CCSER1: variants seen among roughly 807,000 people sequenced by gnomAD.
CCSER1 encodes coiled-coil serine rich protein 1, also known as serine-rich coiled-coil domain-containing protein 1.
A neutral mutation model predicts 82.0 loss-of-function variants in CCSER1; 41 were observed. The observed-to-expected ratio is 0.50, with a 90% CI of 0.39 to 0.65. CCSER1 has a LOEUF of 0.65. CCSER1 is among the 30% of genes least tolerant of loss of function. The probability of loss-of-function intolerance (pLI) is 0.00; values close to 1 mark genes in which losing one functional copy is unlikely to be tolerated. For synonymous variants in CCSER1, 414 were observed against 383.9 expected (o/e 1.08, Z -0.92); for missense variants, 1,119 against 1,064.2 (o/e 1.05, Z -0.72).
chr4:90,958,249 A>T (rs918117997), intron 9 of CCSER1, among the ~76,000 whole-genome samples: 14 of 152,232 alleles, frequency 9.2e-5, no homozygotes, highest in Admixed American at 2.6e-4. Flanking sequence ...GTCGTGAAAC[A>T]ACTGAGTTTC....
intron 8 of CCSER1, among the ~76,000 whole-genome samples, chr4:90,887,121 G>A (rs1351752354): frequency 6.6e-6 from 1 of 152,024 alleles, no homozygotes; most frequent in Non-Finnish European, 1.5e-5. Context: ...TCAGGTTTCT[G>A]GTTATGTGAT....
At chr4:90,813,107 C>G (rs1029478892) in intron 7 of CCSER1, among the ~76,000 whole-genome samples, 3 of 152,178 alleles carry the variant, frequency 2.0e-5, no homozygotes, top group African/African-American at 7.2e-5. Flanking sequence ...AAAGTCTCAT[C>G]TGAGACAAGG....
intron 5 of CCSER1, among the ~76,000 whole-genome samples, chr4:90,582,731 GA>G (rs1781539041): frequency 1.3e-5 from 2 of 152,132 alleles, no homozygotes; most frequent in African/African-American, 2.4e-5. Context: ...ATCTGTAGGA[GA>G]CATGGATATT....
chr4:90,745,043 C>A (rs74336655), intron 7 of CCSER1, among the ~76,000 whole-genome samples: 40,497 of 151,732 alleles, frequency 0.27, 6,011 homozygotes, highest in East Asian at 0.34. Context: ...ACCACAAACT[C>A]GGTGGCTTAA....
At chr4:90,259,211 T>C (rs1162231835) in intron 1 of CCSER1, among the ~76,000 whole-genome samples, 1 of 152,156 alleles carries the variant, frequency 6.6e-6, no homozygotes, top group East Asian at 1.9e-4. Flanking sequence ...AGTATATTCC[T>C]AGGTATTTTA....
chr4:91,067,932 AT>A (rs1367193790), intron 9 of CCSER1, among the ~76,000 whole-genome samples: 1 of 152,196 alleles, frequency 6.6e-6, no homozygotes, highest in Non-Finnish European at 1.5e-5. Flanking sequence ...ATTTAAGTTA[AT>A]ATACAGATTT....
At chr4:91,313,489 T>G (rs1745632530) in intron 10 of CCSER1, among the ~76,000 whole-genome samples, 1 of 151,964 alleles carries the variant, frequency 6.6e-6, no homozygotes, top group Non-Finnish European at 1.5e-5. Context: ...GAGTTGTCTG[T>G]TATAATCATG....
chr4:90,447,933 GT>G (rs998534612), intron 4 of CCSER1, among the ~76,000 whole-genome samples: 25 of 151,898 alleles, frequency 1.6e-4, no homozygotes, highest in African/African-American at 6.0e-4. Context: ...ATTTTTCAGG[GT>G]TTTTTATTGT....
intron 10 of CCSER1, among the ~76,000 whole-genome samples, chr4:91,379,774 T>A (rs1040965294): frequency 7.2e-5 from 11 of 152,226 alleles, no homozygotes; most frequent in African/African-American, 2.4e-4. Context: ...CTTAGTTATT[T>A]CTTGCCTTCT....
chr4:90,411,877 T>C (rs1476175724), intron 4 of CCSER1, among the ~76,000 whole-genome samples: 2 of 152,094 alleles, frequency 1.3e-5, no homozygotes, highest in African/African-American at 2.4e-5. Flanking sequence ...AAAACCCCAT[T>C]GTCTCAGCCC....
In CCSER1 at chr4:90,460,779, A is replaced by T. The variant is rs113417517; in HGVS notation, c.1604-7455A>T. ...TTTTGATGGCTCTTCTCTCACACCCATCTGTACTGTGGCTGTATTTTCTGA... is the reference window on the plus strand; with the variant it reads ...TTTTGATGGCTCTTCTCTCACACCCTTCTGTACTGTGGCTGTATTTTCTGA... On this transcript the variant is annotated intron_variant, in intron 4 of 10. Coordinates refer to ENST00000509176, the MANE Select transcript of CCSER1 (RefSeq NM_001145065.2). 9.7e-3 allele frequency among the ~76,000 whole-genome samples: 1,482 copies of T among 152,246 alleles called. 23 individuals are homozygous for T. Among genetic ancestry groups the T allele is most frequent in the African/African-American group, 0.034 (1,405 of 41,520 alleles).
At chr4:90,910,814 T>G (rs1726217777) in intron 8 of CCSER1, among the ~76,000 whole-genome samples, 1 of 152,182 alleles carries the variant, frequency 6.6e-6, no homozygotes, top group Non-Finnish European at 1.5e-5. Flanking sequence ...TTTTAAAACC[T>G]CACATTGCTT....
At chr4:91,561,867 T>A (rs1762666631) in intron 10 of CCSER1, among the ~76,000 whole-genome samples, 1 of 151,486 alleles carries the variant, frequency 6.6e-6, no homozygotes, top group Non-Finnish European at 1.5e-5. Context: ...ATTCTTAGAT[T>A]TCTTCTATGG....
At chr4:90,418,098 C>G (rs566377392) in intron 4 of CCSER1, among the ~76,000 whole-genome samples, 5 of 152,174 alleles carry the variant, frequency 3.3e-5, no homozygotes, top group Non-Finnish European at 5.9e-5. Flanking sequence ...TAAACTTGAG[C>G]AAGTTATTTA....
At chr4:90,942,341 G>GA (rs1731694042) in intron 9 of CCSER1, among the ~76,000 whole-genome samples, 1 of 152,076 alleles carries the variant, frequency 6.6e-6, no homozygotes, top group Admixed American at 6.6e-5. Flanking sequence ...ATGGGGGGAA[G>GA]AAAAAATATG....
intron 10 of CCSER1, among the ~76,000 whole-genome samples, chr4:91,544,943 C>T (rs184882506): frequency 1.3e-3 from 203 of 152,234 alleles, no homozygotes; most frequent in African/African-American, 4.2e-3. Context: ...CCTTGAGATG[C>T]GGTGGGCTCC....
intron 6 of CCSER1, among the ~76,000 whole-genome samples, chr4:90,630,228 C>T (rs1724119893): frequency 6.6e-6 from 1 of 152,122 alleles, no homozygotes; most frequent in Admixed American, 6.6e-5. Flanking sequence ...ACCTGATCCT[C>T]TTTGAACAAG....
intron 6 of CCSER1, among the ~76,000 whole-genome samples, chr4:90,712,141 C>T (rs1239258222): frequency 6.6e-6 from 1 of 151,866 alleles, no homozygotes; most frequent in Non-Finnish European, 1.5e-5. Flanking sequence ...TCACAGTCTG[C>T]TTCAGTGCAG....
At chr4:91,493,832 A>T (rs1043145051) in intron 10 of CCSER1, among the ~76,000 whole-genome samples, 3 of 151,814 alleles carry the variant, frequency 2.0e-5, no homozygotes, top group Non-Finnish European at 4.4e-5. Flanking sequence ...TTTTAAAAAA[A>T]GTTTGAGCCA....
Sources: allele counts gnomAD v4.1 joint callset (sites outside exome capture counted in the v4.1 genomes callset), GRCh38; gene constraint gnomAD v4.1.1; transcripts MANE v1.5; gene names NCBI Gene and HGNC (gene_info 2026-07-23, HGNC 2026-07-21).